The following GADL1 variants were observed in gnomAD, a reference collection of about 807,000 sequenced individuals.
The protein encoded by GADL1 is acidic amino acid decarboxylase GADL1.
Under a neutral mutation model 69.5 loss-of-function variants are expected in GADL1, and 71 were observed. The ratio of observed to expected loss-of-function variants is 1.02; its 90% CI spans 0.84 to 1.25. The LOEUF (loss-of-function observed/expected upper bound fraction) is 1.25, where lower values mean the gene tolerates loss of function less well. GADL1 is among the 50% of genes most tolerant of loss of function. The pLI is 0.00. For synonymous variants in GADL1, 254 were observed against 214.4 expected (o/e 1.18, Z -1.62); for missense variants, 737 against 631.8 (o/e 1.17, Z -1.79).
chr3:30,844,174 C>A (rs1298464256), intron 8 of GADL1, 36 bp downstream of exon 8: 5 of 1,570,842 alleles, frequency 3.2e-6, no homozygotes, highest in Non-Finnish European at 4.4e-6. Context: ...CGCACACACA[C>A]ACGTTCTCTC....
chr3:30,808,212 C>A lies in GADL1; in HGVS notation c.1051-7124G>T, dbSNP rs148966100. 7.2e-4 allele frequency among the ~76,000 whole-genome samples: 109 copies of A among 150,690 alleles called. 2 individuals carry two copies. In the East Asian group the frequency reaches 0.018, roughly 25 times the overall value. On this transcript the variant is annotated intron_variant, in intron 11 of 14. Transcript: ENST00000282538. ...AAGGAAGAGAGAAGCAAAGGATGAA[C>A]CGGCCGGGCCCAGTGGCCTACGCCT...
intron 14 of GADL1, among the ~76,000 whole-genome samples, chr3:30,763,317 TG>T (rs1696186254): frequency 6.6e-6 from 1 of 151,780 alleles, no homozygotes; most frequent in Admixed American, 6.6e-5. Flanking sequence ...GCTAACACGG[TG>T]AAACCCCCTG....
intron 14 of GADL1, among the ~76,000 whole-genome samples, chr3:30,734,250 A>G (rs1156948056): frequency 1.3e-5 from 2 of 152,300 alleles, no homozygotes; most frequent in East Asian, 1.9e-4. Flanking sequence ...TTGTTTAAGT[A>G]TATTCTTCAG....
intron 11 of GADL1, among the ~76,000 whole-genome samples, chr3:30,826,364 AG>A (rs1697680795): frequency 1.3e-5 from 2 of 151,996 alleles, no homozygotes; most frequent in South Asian, 2.1e-4. Flanking sequence ...AGAGAAGCAA[AG>A]GTTGGCGTTC....
At chr3:30,836,854 A>G (rs917427625) in intron 9 of GADL1, among the ~76,000 whole-genome samples, 1 of 152,092 alleles carries the variant, frequency 6.6e-6, no homozygotes, top group African/African-American at 2.4e-5. Flanking sequence ...TAGCATAACA[A>G]TTGCCCTCAT....
intron 12 of GADL1, among the ~76,000 whole-genome samples, chr3:30,789,909 A>C (rs550157374): frequency 6.6e-6 from 1 of 152,166 alleles, no homozygotes; most frequent in African/African-American, 2.4e-5. Context: ...TCTATCCAGA[A>C]CTCTACAACC....
chr3:30,854,835 A>G (rs1325579585), intron 3 of GADL1, 46 bp from the exon 4 acceptor site: 2 of 965,452 alleles, frequency 2.1e-6, no homozygotes, highest in Admixed American at 2.4e-5. Flanking sequence ...AATAAAAAAA[A>G]AAACTACTGA....
intron 1 of GADL1, among the ~76,000 whole-genome samples, chr3:30,867,339 C>T (rs1267890833): frequency 6.9e-6 from 1 of 145,964 alleles, no homozygotes; most frequent in Non-Finnish European, 1.5e-5. Flanking sequence ...TCTAGCCCCT[C>T]TCTCTACTCC....
intron 11 of GADL1, among the ~76,000 whole-genome samples, chr3:30,806,591 G>A (rs1455078103): frequency 6.6e-6 from 1 of 152,162 alleles, no homozygotes; most frequent in Non-Finnish European, 1.5e-5. Context: ...ATTTCAGATG[G>A]GAATAGGAGC....
At chr3:30,848,204 A>G (rs1207923328) in intron 6 of GADL1, among the ~76,000 whole-genome samples, 1 of 152,150 alleles carries the variant, frequency 6.6e-6, no homozygotes, top group Non-Finnish European at 1.5e-5. Context: ...CCACATTACC[A>G]AACATTCTTC....
chr3:30,762,837 A>AT (rs1696172921), intron 14 of GADL1, among the ~76,000 whole-genome samples: 1 of 122,044 alleles, frequency 8.2e-6, no homozygotes, highest in South Asian at 2.5e-4. Flanking sequence ...AAAACATGTG[A>AT]TGTTAGTCTT....
chr3:30,846,426 T>C (rs966881705), intron 6 of GADL1, among the ~76,000 whole-genome samples: 3 of 152,150 alleles, frequency 2.0e-5, no homozygotes, highest in Non-Finnish European at 4.4e-5. Flanking sequence ...CCCACAAGGA[T>C]TTTTTTCTAT....
intron 14 of GADL1, among the ~76,000 whole-genome samples, chr3:30,756,714 G>A (rs1014421099): frequency 1.3e-5 from 2 of 152,176 alleles, no homozygotes; most frequent in African/African-American, 4.8e-5. Context: ...GGAGAGTTTA[G>A]TTGTCCCAGA....
Position 30,850,095 on chromosome 3 carries a change from A to G in GADL1, c.552T>C (p.Asn184=), listed in dbSNP as rs1698126280. The change falls in exon 6 of 15, where the codon AAT becomes AAC. Residue 184 remains asparagine (N), a synonymous_variant. Coordinates refer to ENST00000282538, the MANE Select transcript of GADL1 (RefSeq NM_207359.3). ...GIFNPGGSVS[N]MYAMNLARYK... ...ATCTAGCTAAATTCATTGCATACAT[A>G]TTGGACACTGAGCCACCTGCAAAAA... 1.2e-6 allele frequency: 2 copies of G among 1,600,056 alleles called. No homozygotes were observed. Among genetic ancestry groups the G allele is most frequent in the Non-Finnish European group, 1.7e-6 (2 of 1,168,078 alleles).
chr3:30,791,837 G>C (rs1397898822), intron 12 of GADL1, among the ~76,000 whole-genome samples: 1 of 152,084 alleles, frequency 6.6e-6, no homozygotes, highest in East Asian at 1.9e-4. Context: ...CTGTTTTCAT[G>C]ACAGTGAATA....
chr3:30,746,155 A>AT, intron 14 of GADL1, among the ~76,000 whole-genome samples: 1 of 151,920 alleles, frequency 6.6e-6, no homozygotes. Context: ...TGCCTGGCTA[A>AT]TTTTTGTAGT....
intron 14 of GADL1, among the ~76,000 whole-genome samples, chr3:30,766,545 T>A (rs894489595): frequency 2.1e-5 from 3 of 140,216 alleles, no homozygotes; most frequent in African/African-American, 8.1e-5. Context: ...CCATAACATA[T>A]CATTACTGTG....
At chr3:30,885,132 A>G (rs1441511078) in intron 1 of GADL1, among the ~76,000 whole-genome samples, 1 of 152,096 alleles carries the variant, frequency 6.6e-6, no homozygotes, top group East Asian at 1.9e-4. Context: ...GGGATTAGTA[A>G]TTCTGGCGTG....
chr3:30,794,982 T>A (rs1697002774), intron 12 of GADL1, among the ~76,000 whole-genome samples: 1 of 152,172 alleles, frequency 6.6e-6, no homozygotes, highest in African/African-American at 2.4e-5. Flanking sequence ...TTCCAGTATT[T>A]TAGAGACCTG....
Sources: allele counts gnomAD v4.1 joint callset (sites outside exome capture counted in the v4.1 genomes callset), GRCh38; gene constraint gnomAD v4.1.1; transcripts MANE v1.5; gene names NCBI Gene and HGNC (gene_info 2026-07-23, HGNC 2026-07-21).